Variants in SMURF1 observed in about 807,000 individuals in gnomAD.
SMURF1 encodes the protein E3 ubiquitin-protein ligase SMURF1.
A neutral mutation model predicts 98.0 loss-of-function variants in SMURF1; 44 were observed. The observed-to-expected ratio is 0.45, with a 90% CI of 0.35 to 0.58. SMURF1 has a LOEUF of 0.58. Among genes scored for constraint, SMURF1 ranks in the 20% least tolerant of loss-of-function variants. The pLI is 0.00. For synonymous variants in SMURF1, 396 were observed against 374.9 expected, an observed-to-expected ratio of 1.06 and a Z score of -0.65; for missense variants, 687 against 938.4, an observed-to-expected ratio of 0.73 and a Z score of 3.50.
At chr7:99,034,238 C>T (rs1795033474) in intron 16 of SMURF1, among the ~76,000 whole-genome samples, 1 of 152,228 alleles carries the variant, frequency 6.6e-6, no homozygotes, top group Admixed American at 6.5e-5. Context: ...CCATTCAGTG[C>T]CCTCCCACAG....
intron 3 of SMURF1, 79 bp from the exon 4 acceptor site, chr7:99,057,630 T>A (rs2150534819): frequency 7.1e-7 from 1 of 1,413,432 alleles, no homozygotes; most frequent in East Asian, 2.6e-5. Flanking sequence ...TGAGATAGAA[T>A]CCTGCTCTGT....
chr7:99,085,353 CAAAA>C (rs992976220), intron 1 of SMURF1, among the ~76,000 whole-genome samples: 1 of 52,326 alleles, frequency 1.9e-5, no homozygotes, highest in Non-Finnish European at 3.8e-5. Context: ...AACTCCATCT[CAAAA>C]AAAAAAAAAA....
chr7:99,143,417 A>G (rs1325479090), intron 1 of SMURF1, among the ~76,000 whole-genome samples: 3 of 119,976 alleles, frequency 2.5e-5, no homozygotes, highest in African/African-American at 9.8e-5. Context: ...CCAGGGAAGG[A>G]GATGCAAGGG....
Position 99,051,365 on chromosome 7 carries a change from C to A in SMURF1, c.798G>T (p.Arg266Ser). The change falls in exon 8 of 18, where the codon AGG becomes AGT. Residue 266 changes from arginine (R) to serine (S), a missense_variant. Physicochemically the swap from Arg to Ser is moderately radical, Grantham distance 110. This residue lies in a region of SMURF1 where 415 missense variants were observed against 508.4 expected (regional missense o/e 0.82). Transcript: ENST00000361368. The stretch of plus-strand genomic sequence containing the variant: ...CATTTCAGGAGGCTTACCTTGGTAT[C>A]CTGGGGTCGTGCCACGTGCTAACTC... ...QTGVSTWHDP[R>S]IPRDLNSVNC... 6.2e-7 allele frequency: 1 copy of A among 1,613,994 alleles called. No individual in the cohort carries two copies. Among genetic ancestry groups the A allele is most frequent in the Non-Finnish European group, 8.5e-7 (1 of 1,179,878 alleles).
At chr7:99,074,553 C>G (rs964442499) in intron 1 of SMURF1, among the ~76,000 whole-genome samples, 1 of 151,296 alleles carries the variant, frequency 6.6e-6, no homozygotes, top group Non-Finnish European at 1.5e-5. Flanking sequence ...AAATTGGCCT[C>G]AAACGGAGCA....
chr7:99,090,732 C>A (rs1796788685), intron 1 of SMURF1, among the ~76,000 whole-genome samples: 1 of 152,124 alleles, frequency 6.6e-6, no homozygotes, highest in Admixed American at 6.5e-5. Context: ...AAAAAATATT[C>A]AACAAATGTC....
At chr7:99,112,868 T>C (rs1211822954) in intron 1 of SMURF1, among the ~76,000 whole-genome samples, 1 of 152,056 alleles carries the variant, frequency 6.6e-6, no homozygotes, top group Non-Finnish European at 1.5e-5. Context: ...AGTACAATAA[T>C]GTAAATTAAA....
At chr7:99,097,403 AC>A (rs1276750365) in intron 1 of SMURF1, among the ~76,000 whole-genome samples, 3 of 152,316 alleles carry the variant, frequency 2.0e-5, no homozygotes, top group Non-Finnish European at 4.4e-5. Flanking sequence ...CTTCAATGCA[AC>A]TGTGCTGGGA....
intron 1 of SMURF1, 25 bp from the exon 2 acceptor site, chr7:99,061,862 G>A (rs1796041688): frequency 1.3e-6 from 2 of 1,567,300 alleles, no homozygotes; most frequent in Middle Eastern, 1.7e-4. Context: ...AAATTACTCA[G>A]GTTAGCATTA....
At chr7:99,100,327 T>G (rs576246649) in intron 1 of SMURF1, among the ~76,000 whole-genome samples, 1 of 151,852 alleles carries the variant, frequency 6.6e-6, no homozygotes, top group African/African-American at 2.4e-5. Flanking sequence ...GGCCGAGGAG[T>G]GTGGATTTCC....
At position 99,143,715 on chromosome 7, in the gene SMURF1, G is replaced by A; in HGVS notation, c.55+11C>T. On this transcript the variant is annotated intron_variant, in intron 1 of 17. Coordinates refer to ENST00000361368, the MANE Select transcript of SMURF1 (RefSeq NM_181349.3). ...GCGCCGGGGCGCGGGTGGGCCTCCC[G>A]CCGGCCGTACCTGTCAGACGGATCT... 4.5e-6 allele frequency: 7 copies of A among 1,550,992 alleles called. No individual in the cohort carries two copies. Among genetic ancestry groups the A allele is most frequent in the Middle Eastern group, 1.7e-4 (1 of 5,798 alleles).
At chr7:99,097,199 GA>G (rs1796973368) in intron 1 of SMURF1, among the ~76,000 whole-genome samples, 3 of 152,084 alleles carry the variant, frequency 2.0e-5, no homozygotes, top group Admixed American at 1.3e-4. Flanking sequence ...TCTACCTTAA[GA>G]AATTTTAAAA....
At chr7:99,038,335 T>C in intron 14 of SMURF1, 53 bp downstream of exon 14, 1 of 1,597,716 alleles carries the variant, frequency 6.3e-7, no homozygotes, top group Non-Finnish European at 8.5e-7. Context: ...AGCAACTAAA[T>C]GCAGGCTCAG....
At chr7:99,049,081 ACT>A (rs1203858807) in intron 9 of SMURF1, 1 of 149,296 alleles carries the variant, frequency 6.7e-6, no homozygotes, top group African/African-American at 2.6e-5. Flanking sequence ...ACAGAGCTGG[ACT>A]CTGTCTCAAA....
chr7:99,135,914 A>G (rs1291150200), intron 1 of SMURF1, among the ~76,000 whole-genome samples: 1 of 152,230 alleles, frequency 6.6e-6, no homozygotes, highest in African/African-American at 2.4e-5. Flanking sequence ...AAGATTTTCA[A>G]TCTCTTTGAT....
chr7:99,137,760 A>T (rs537637744), intron 1 of SMURF1, among the ~76,000 whole-genome samples: 71 of 152,366 alleles, frequency 4.7e-4, no homozygotes, highest in Non-Finnish European at 7.2e-4. Context: ...CTGATTATAC[A>T]TTATTTAAGC....
intron 13 of SMURF1, among the ~76,000 whole-genome samples, chr7:99,039,460 C>G (rs1012622686): frequency 2.6e-5 from 4 of 152,174 alleles, no homozygotes; most frequent in African/African-American, 9.6e-5. Context: ...ATTTTCCTGC[C>G]TCAGCCTCCT....
At position 99,063,281 on chromosome 7, in the gene SMURF1, ATATATATATATATATATATATAT is replaced by A. The variant is rs1563012868; in HGVS notation, c.56-1467_56-1445del. Reference sequence around the variant, plus strand: ...TATATATATATATATATATATATATATATATATATATATATATATATATAAAAAGAGACAGGGTCTCACTCCGT... The same window carrying A: ...TATATATATATATATATATATATATAAAAAAGAGACAGGGTCTCACTCCGT... On this transcript the variant is annotated intron_variant, in intron 1 of 17. Transcript: ENST00000361368. Among the ~76,000 whole-genome samples, 163 of 18,758 alleles carry A rather than the reference ATATATATATATATATATATATAT, an allele frequency of 8.7e-3. 2 individuals carry two copies. The highest frequency in any genetic ancestry group is 0.018 in the African/African-American group (159 of 8,622). The allele number at this position is 18,758 out of a possible 152,430, so 12.3% of individuals were successfully genotyped here.
chr7:99,031,144 C>T (rs1426499310), intron 17 of SMURF1: 1 of 156,638 alleles, frequency 6.4e-6, no homozygotes, highest in African/African-American at 2.4e-5. Flanking sequence ...TTGGCAGCCC[C>T]TGTAACCTAG....
Sources: allele counts gnomAD v4.1 joint callset (sites outside exome capture counted in the v4.1 genomes callset), GRCh38; gene constraint gnomAD v4.1.1; regional missense constraint gnomAD v4.1.1; transcripts MANE v1.5; gene names NCBI Gene and HGNC (gene_info 2026-07-23, HGNC 2026-07-21).